RER1: variants seen among roughly 807,000 people sequenced by gnomAD.
The protein encoded by RER1 is protein RER1.
Under a neutral mutation model 28.3 loss-of-function variants are expected in RER1, and 6 were observed. That is an observed-to-expected ratio of 0.21 (90% CI 0.12 to 0.42). The LOEUF (loss-of-function observed/expected upper bound fraction) is 0.42. Ranked by LOEUF, RER1 falls within the 10% of genes least tolerant of loss-of-function variation. The probability of loss-of-function intolerance (pLI) is 1.00; values close to 1 mark genes in which losing one functional copy is unlikely to be tolerated. For missense variants in RER1, 159 were observed against 252.9 expected (o/e 0.63, Z 2.52); for synonymous variants, 110 against 95.9 (o/e 1.15, Z -0.86).
chr1:2,393,427 C>T (rs1055028033), intron 1 of RER1, among the ~76,000 whole-genome samples: 1 of 151,958 alleles, frequency 6.6e-6, no homozygotes, highest in African/African-American at 2.4e-5. Flanking sequence ...TCAGTGTGGG[C>T]GGTAACGGAG....
rs1392385522 is a variant in RER1, at chr1:2,404,642, C to G, written c.*1518C>G. ...ACTAACCCAGGAATACAGGGTCATC[C>G]TCATTCCTAAGTAAGTCAAACAGCA... On this transcript the variant is annotated 3_prime_UTR_variant, in exon 7 of 7. Coordinates refer to ENST00000605895, the MANE Select transcript of RER1 (RefSeq NM_007033.5). 1 of 152,254 alleles carries G rather than the reference C, an allele frequency of 6.6e-6. No homozygotes were observed. Among genetic ancestry groups the G allele is most frequent in the Non-Finnish European group, 1.5e-5 (1 of 68,050 alleles). The allele number at this position is 152,254 out of a possible 1,614,324, so 9.4% of individuals were successfully genotyped here.
rs775462270 is a variant in RER1, at chr1:2,399,519, G to C, written c.286+5G>C. On this transcript the variant is annotated splice_donor_5th_base_variant and intron_variant, in intron 4 of 6. Transcript: ENST00000605895. Reference sequence around the variant, plus strand: ...CTTCCTTAATGGAAGACTCAGGTAGGGTAGCGGCTGTGCACTGGGCTGTGT... The same window carrying C: ...CTTCCTTAATGGAAGACTCAGGTAGCGTAGCGGCTGTGCACTGGGCTGTGT... 8.8e-6 allele frequency: 14 copies of C among 1,583,088 alleles called. No individual in the cohort carries two copies. Among genetic ancestry groups the C allele is most frequent in the Non-Finnish European group, 1.2e-5 (14 of 1,151,970 alleles).
chr1:2,400,452 C>T (rs1330597004), intron 4 of RER1, among the ~76,000 whole-genome samples: 3 of 152,258 alleles, frequency 2.0e-5, no homozygotes, highest in Non-Finnish European at 2.9e-5. Flanking sequence ...GTGGGCTTGG[C>T]ACAGCTGCTG....
chr1:2,399,362 C>G (rs115786697), intron 3 of RER1, 53 bp from the exon 4 acceptor site: 1 of 1,260,154 alleles, frequency 7.9e-7, no homozygotes, highest in Admixed American at 1.7e-5. Flanking sequence ...TGAACTGGCT[C>G]AGGCTGATGG....
In RER1 at chr1:2,403,443, GCAGGAGCAAGGC is replaced by G. The variant is rs1012733695; in HGVS notation, c.*321_*332del. 1 of 344,482 alleles carries G rather than the reference GCAGGAGCAAGGC, an allele frequency of 2.9e-6. No individual in the cohort carries two copies. The highest frequency in any genetic ancestry group is 2.2e-5 in the African/African-American group (1 of 46,158). The allele number at this position is 344,482 out of a possible 1,614,324, so 21.3% of individuals were successfully genotyped here. A position where few individuals can be genotyped will look rare whatever the true frequency, so the allele number is the denominator to read the frequency against. Reference sequence around the variant, plus strand: ...GGTCCCCGCTGTGCCAGGTGGGCAGGCAGGAGCAAGGCCTGCGAGGGAGGAACGGGCCGCTCC... The same window carrying G: ...GGTCCCCGCTGTGCCAGGTGGGCAGGCTGCGAGGGAGGAACGGGCCGCTCC... On this transcript the variant is annotated 3_prime_UTR_variant, in exon 7 of 7. Transcript: ENST00000605895.
chr1:2,397,734 C>T (rs1642789231), intron 3 of RER1, among the ~76,000 whole-genome samples: 1 of 152,206 alleles, frequency 6.6e-6, no homozygotes, highest in Non-Finnish European at 1.5e-5. Flanking sequence ...TGAGGGTTTC[C>T]TTCGTGTGTT....
chr1:2,401,829 G>A (rs1642867524), intron 5 of RER1: 3 of 553,812 alleles, frequency 5.4e-6, no homozygotes, highest in Admixed American at 3.3e-5. Flanking sequence ...GGGAGCACTG[G>A]TGGCCATGCC....
In RER1 at chr1:2,404,506, CG is replaced by C. The variant is rs1642931498; in HGVS notation, c.*1384del. On this transcript the variant is annotated 3_prime_UTR_variant, in exon 7 of 7. Transcript: ENST00000605895. ...GACTGGGTGCTGATGGATGGAGCCACGGCGGCATCTGCCCACCCGGCCGCAG... is the reference window on the plus strand; with the variant it reads ...GACTGGGTGCTGATGGATGGAGCCACGCGGCATCTGCCCACCCGGCCGCAG... The C allele has an allele frequency of 6.6e-6, 1 of 152,272 alleles. No homozygotes were observed. The highest frequency in any genetic ancestry group is 1.5e-5 in the Non-Finnish European group (1 of 68,068). 9.4% of individuals were successfully genotyped at this position (152,272 alleles called of 1,614,324 possible).
intron 1 of RER1, among the ~76,000 whole-genome samples, chr1:2,393,442 G>T (rs11804135): frequency 1.3e-5 from 2 of 152,014 alleles, no homozygotes; most frequent in Non-Finnish European, 2.9e-5. Context: ...ACGGAGGCCT[G>T]TGAAGAGGAG....
rs1319835647 is a variant in RER1 at position 2,400,789 on chromosome 1, G to C, written c.287-68G>C. ...GAGGCCTGCTAGTCCAAAGCCTTGAGGGGAAAAGGTAGAACTGTGATGGGA... is the reference window on the plus strand; with the variant it reads ...GAGGCCTGCTAGTCCAAAGCCTTGACGGGAAAAGGTAGAACTGTGATGGGA... On this transcript the variant is annotated intron_variant, in intron 4 of 6. Transcript: ENST00000605895. 5 of 1,301,646 alleles carry C rather than the reference G, an allele frequency of 3.8e-6. No homozygotes were observed. In the African/African-American group the frequency reaches 7.3e-5, roughly 19 times the overall value. The allele number at this position is 1,301,646 out of a possible 1,614,324, so 80.6% of individuals were successfully genotyped here.
chr1:2,392,944 G>A (rs1642708064), intron 1 of RER1, among the ~76,000 whole-genome samples: 1 of 152,238 alleles, frequency 6.6e-6, no homozygotes, highest in South Asian at 2.1e-4. Flanking sequence ...CGTGAAGCTT[G>A]GTGCACGGCA....
rs1385196706 is a variant in RER1 at position 2,403,779 on chromosome 1, T to C, written c.*655T>C. 6.6e-6 allele frequency: 1 copy of C among 152,630 alleles called. No individual in the cohort carries two copies. The highest frequency in any genetic ancestry group is 2.4e-5 in the African/African-American group (1 of 41,460). 9.5% of individuals were successfully genotyped at this position (152,630 alleles called of 1,614,324 possible). On this transcript the variant is annotated 3_prime_UTR_variant, in exon 7 of 7. Coordinates refer to ENST00000605895, the MANE Select transcript of RER1 (RefSeq NM_007033.5). ...GTTTGAGATTATTTTGACACATTTC[T>C]TTGATACGTAGAGTGTTTTGTTTTT...
chr1:2,392,797 CAG>C (rs566155998), intron 1 of RER1, among the ~76,000 whole-genome samples: 96 of 152,318 alleles, frequency 6.3e-4, no homozygotes, highest in African/African-American at 2.2e-3. Flanking sequence ...ACGGCGGTAA[CAG>C]TGTGTCAGAG....
At chr1:2,401,592 G>A (rs3001336) in intron 5 of RER1, among the ~76,000 whole-genome samples, 123,785 of 151,144 alleles carry the variant, frequency 0.82, 51,834 homozygotes, top group Non-Finnish European at 0.91. Flanking sequence ...CGTTTGTCTT[G>A]TCCCTCATAC....
chr1:2,401,069 T>C (rs540537116), intron 5 of RER1, 134 bp downstream of exon 5: 3 of 743,398 alleles, frequency 4.0e-6, no homozygotes, highest in Non-Finnish European at 7.1e-6. Context: ...TCGCAGGGGC[T>C]CTCTGTAGAA....
At chr1:2,395,032 T>C (rs1270922038) in intron 1 of RER1, 1 of 152,332 alleles carries the variant, frequency 6.6e-6, no homozygotes, top group Non-Finnish European at 1.5e-5. Flanking sequence ...AGCAGGGCTG[T>C]GGCAGGACCT....
Position 2,403,788 on chromosome 1 carries a change from TAG to T in RER1, c.*667_*668del, listed in dbSNP as rs927535396. 1.6e-4 allele frequency: 25 copies of T among 152,586 alleles called. No homozygotes were observed. The highest frequency in any genetic ancestry group is 5.5e-4 in the African/African-American group (23 of 41,454). The allele number at this position is 152,586 out of a possible 1,614,324, so 9.5% of individuals were successfully genotyped here. ...TATTTTGACACATTTCTTTGATACG[TAG>T]AGTGTTTTGTTTTTAATTTAAATCT... On this transcript the variant is annotated 3_prime_UTR_variant, in exon 7 of 7. Coordinates refer to ENST00000605895, the MANE Select transcript of RER1 (RefSeq NM_007033.5).
In RER1 at chr1:2,403,550, C is replaced by T. The variant is rs923694724; in HGVS notation, c.*426C>T. ...CCACAGAGCCCGAGGGATGATCTAGCCTGATTCCTGCGTGTCCGAAAGAAC... is the reference window on the plus strand; with the variant it reads ...CCACAGAGCCCGAGGGATGATCTAGTCTGATTCCTGCGTGTCCGAAAGAAC... On this transcript the variant is annotated 3_prime_UTR_variant, in exon 7 of 7. Transcript: ENST00000605895. 2 of 207,476 alleles carry T rather than the reference C, an allele frequency of 9.6e-6. No homozygotes were observed. Among genetic ancestry groups the T allele is most frequent in the African/African-American group, 4.7e-5 (2 of 42,414 alleles). The allele number at this position is 207,476 out of a possible 1,614,324, so 12.9% of individuals were successfully genotyped here. A position where few individuals can be genotyped will look rare whatever the true frequency, so the allele number is the denominator to read the frequency against.
chr1:2,392,307 C>T lies in RER1; in HGVS notation c.-8+349C>T, dbSNP rs182281786. Among the ~76,000 whole-genome samples the T allele has an allele frequency of 3.5e-3, 537 of 152,290 alleles. 1 individual carries two copies. The highest frequency in any genetic ancestry group is 0.012 in the African/African-American group (517 of 41,574). ...GGCATCTGGGGGAAGCGGGCAGTCG[C>T]GGCCCCCACAGCGCTGCGAGTTGGG... On this transcript the variant is annotated intron_variant, in intron 1 of 6. Transcript: ENST00000605895.
Sources: gnomAD v4.1 joint callset for allele counts (sites outside exome capture counted in the v4.1 genomes callset) on GRCh38, gnomAD v4.1.1 for gene constraint, MANE v1.5 for transcripts, NCBI Gene and HGNC (gene_info 2026-07-23, HGNC 2026-07-21) for gene names.